The following RAD23B variants were observed in gnomAD, a reference collection of about 807,000 sequenced individuals.
The protein encoded by RAD23B is lysine-specific demethylase RAD23B.
A neutral mutation model predicts 49.1 loss-of-function variants in RAD23B; 5 were observed. The ratio of observed to expected loss-of-function variants is 0.10; its 90% CI spans 0.05 to 0.21. The LOEUF (loss-of-function observed/expected upper bound fraction) is 0.21. RAD23B is among the 10% of genes least tolerant of loss of function. The pLI is 1.00. For missense variants in RAD23B, 356 were observed against 486.7 expected (o/e 0.73, Z 2.53); for synonymous variants, 184 against 165.4 (o/e 1.11, Z -0.86).
At position 107,327,823 on chromosome 9, in the gene RAD23B, C is replaced by T. The variant is rs552491388; in HGVS notation, c.1117-1720C>T. ...TTATTGAAGGTGGAGCTGTAGTTGTCTCTATTATTGTTAATTGCCAATTTC... is the reference window on the plus strand; with the variant it reads ...TTATTGAAGGTGGAGCTGTAGTTGTTTCTATTATTGTTAATTGCCAATTTC... On this transcript the variant is annotated intron_variant, in intron 9 of 9. Coordinates refer to ENST00000358015, the MANE Select transcript of RAD23B (RefSeq NM_002874.5). 1.1e-3 allele frequency among the ~76,000 whole-genome samples: 160 copies of T among 152,114 alleles called. 1 individual carries two copies. Among genetic ancestry groups the T allele is most frequent in the African/African-American group, 3.6e-3 (151 of 41,504 alleles).
chr9:107,323,991 G>C lies in RAD23B; in HGVS notation c.919G>C (p.Gly307Arg). 6.2e-7 allele frequency: 1 copy of C among 1,613,448 alleles called. No homozygotes were observed. Among genetic ancestry groups the C allele is most frequent in the East Asian group, 2.2e-5 (1 of 44,844 alleles). The change falls in exon 8 of 10, where the codon GGT becomes CGT. Residue 307 changes from glycine to arginine, a missense_variant. This residue lies in a region of RAD23B where 148 missense variants were observed against 231.7 expected (regional missense o/e 0.64). Transcript: ENST00000358015. ...GCTTCCAGCGTTACTACAGCAGATA[G>C]GTCGAGAGAATCCTCAATTACTTCA... is the stretch of plus-strand genomic sequence containing the variant. ...SLLPALLQQI[G>R]RENPQLLQQI...
At chr9:107,317,867 T>C (rs1488664082) in intron 5 of RAD23B, among the ~76,000 whole-genome samples, 8 of 152,160 alleles carry the variant, frequency 5.3e-5, no homozygotes, top group South Asian at 2.1e-4. Context: ...TTTTACCAAC[T>C]TTGTATAGTG....
rs34042765 is a variant in RAD23B, at chr9:107,325,313, CAAAAAAAAAA to C, written c.1116+328_1116+337del. Among the ~76,000 whole-genome samples the C allele has an allele frequency of 6.7e-4, 41 of 61,386 alleles. No individual in the cohort carries two copies. The East Asian group carries it at 0.016, about 25-fold the overall frequency. 40.3% of individuals were successfully genotyped at this position (61,386 alleles called of 152,430 possible). On this transcript the variant is annotated intron_variant, in intron 9 of 9. Transcript: ENST00000358015. Reference sequence around the variant, plus strand: ...TGGGCAACAGAGTGAGACTCTGTCTCAAAAAAAAAAAAAAAAAAAAAAAAAAAATTCCTTA... The same window carrying C: ...TGGGCAACAGAGTGAGACTCTGTCTCAAAAAAAAAAAAAAAAAATTCCTTA...
chr9:107,303,499 C>G (rs939531096), intron 3 of RAD23B, among the ~76,000 whole-genome samples: 5 of 152,110 alleles, frequency 3.3e-5, no homozygotes, highest in Admixed American at 2.0e-4. Context: ...AACCTTGTAT[C>G]ATCTAGGTTT....
chr9:107,327,759 A>G (rs935820796), intron 9 of RAD23B, among the ~76,000 whole-genome samples: 8 of 152,236 alleles, frequency 5.3e-5, no homozygotes, highest in African/African-American at 1.9e-4. Context: ...TGATAGATCT[A>G]GTTTGTAGTC....
In RAD23B at chr9:107,300,316, CAG is replaced by C. The variant is rs1481322718; in HGVS notation, c.148+96_148+97del. 7.6e-6 allele frequency: 10 copies of C among 1,319,406 alleles called. No individual in the cohort carries two copies. In the East Asian group the frequency reaches 2.8e-4, roughly 37 times the overall value. 81.7% of individuals were successfully genotyped at this position (1,319,406 alleles called of 1,614,324 possible). Reference sequence around the variant, plus strand: ...ATATATTGTAGTATATTCAAATTGTCAGAAAAATGATTGTACAAATAAAAGCA... The same window carrying C: ...ATATATTGTAGTATATTCAAATTGTCAAAAATGATTGTACAAATAAAAGCA... On this transcript the variant is annotated intron_variant, in intron 2 of 9. Transcript: ENST00000358015.
At position 107,292,665 on chromosome 9, in the gene RAD23B, C is replaced by G; in HGVS notation, c.67-7476C>G. ...ACTACACTCCAGCCTGGTGACAGAG[C>G]GAGACTCTGTCAAAAAAAAAAAAAA... On this transcript the variant is annotated intron_variant, in intron 1 of 9. Coordinates refer to ENST00000358015, the MANE Select transcript of RAD23B (RefSeq NM_002874.5). Among the ~76,000 whole-genome samples the G allele has an allele frequency of 2.0e-5, 2 of 101,628 alleles. 1 individual carries two copies. Among genetic ancestry groups the G allele is most frequent in the Non-Finnish European group, 3.6e-5 (2 of 55,492 alleles). 66.7% of individuals were successfully genotyped at this position (101,628 alleles called of 152,430 possible).
rs1265327174 is a variant in RAD23B, at chr9:107,306,061, ATATATATATATCTATATATC to A, written c.229-308_229-289del. ...TGATACGGTTTATATCTATATATAT[ATATATATATATCTATATATC>A]TATATATATTTCAAATTTTTTATTT... is the stretch of plus-strand genomic sequence containing the variant. On this transcript the variant is annotated intron_variant, in intron 3 of 9. Transcript: ENST00000358015. Among the ~76,000 whole-genome samples, 61 of 133,890 alleles carry A rather than the reference ATATATATATATCTATATATC, an allele frequency of 4.6e-4. 2 individuals are homozygous for A. Among genetic ancestry groups the A allele is most frequent in the South Asian group, 1.5e-3 (6 of 3,996 alleles). The allele number at this position is 133,890 out of a possible 152,430, so 87.8% of individuals were successfully genotyped here. A position where few individuals can be genotyped will look rare whatever the true frequency, so the allele number is the denominator to read the frequency against.
chr9:107,303,238 C>T (rs999152431), intron 3 of RAD23B, among the ~76,000 whole-genome samples: 9 of 151,972 alleles, frequency 5.9e-5, no homozygotes, highest in African/African-American at 2.2e-4. Flanking sequence ...TAATTGAAAC[C>T]ACTTCATCAA....
chr9:107,323,842 G>T, intron 7 of RAD23B, 48 bp from the exon 8 acceptor site: 1 of 1,512,008 alleles, frequency 6.6e-7, no homozygotes, highest in Non-Finnish European at 9.2e-7. Context: ...ACCACTGTTT[G>T]TGTATGTATT....
intron 3 of RAD23B, among the ~76,000 whole-genome samples, chr9:107,305,377 T>A (rs1461548733): frequency 6.6e-6 from 1 of 152,140 alleles, no homozygotes; most frequent in Non-Finnish European, 1.5e-5. Flanking sequence ...ATCATAAAGG[T>A]CTTCATCCTT....
intron 1 of RAD23B, among the ~76,000 whole-genome samples, chr9:107,289,689 G>T (rs917213202): frequency 6.6e-6 from 1 of 152,168 alleles, no homozygotes; most frequent in Admixed American, 6.5e-5. Flanking sequence ...ACCACTTGCT[G>T]TGTCACCTCA....
intron 1 of RAD23B, among the ~76,000 whole-genome samples, chr9:107,285,878 C>G (rs1341394604): frequency 6.6e-6 from 1 of 152,078 alleles, no homozygotes; most frequent in African/African-American, 2.4e-5. Flanking sequence ...TTCATGACAA[C>G]TGTTTCAATT....
chr9:107,311,649 T>A, intron 4 of RAD23B, 33 bp from the exon 5 acceptor site: 1 of 1,505,050 alleles, frequency 6.6e-7, no homozygotes, highest in Non-Finnish European at 9.0e-7. Flanking sequence ...TATATACTTT[T>A]TAAAATGTGA....
In RAD23B at chr9:107,322,565, CAA is replaced by C. The variant is rs749208584; in HGVS notation, c.817+449_817+450del. On this transcript the variant is annotated intron_variant, in intron 7 of 9. Coordinates refer to ENST00000358015, the MANE Select transcript of RAD23B (RefSeq NM_002874.5). ...AAAACCTTGTATCTAGAGGAGAAAG[CAA>C]AGCTTGAATTGAAGTCTCTTTACTG... Among the ~76,000 whole-genome samples the C allele has an allele frequency of 7.2e-5, 11 of 152,308 alleles. No homozygotes were observed. The East Asian group carries it at 1.2e-3, about 16-fold the overall frequency.
rs556474860 is a variant in RAD23B at position 107,308,792 on chromosome 9, T to C, written c.497+2145T>C. Among the ~76,000 whole-genome samples, 3 of 152,332 alleles carry C rather than the reference T, an allele frequency of 2.0e-5. No homozygotes were observed. In the South Asian group the frequency reaches 6.2e-4, roughly 32 times the overall value. On this transcript the variant is annotated intron_variant, in intron 4 of 9. Coordinates refer to ENST00000358015, the MANE Select transcript of RAD23B (RefSeq NM_002874.5). ...TCAGAAAACAAGCTGCTTAAATGTG[T>C]CTTAGTTCCTTTGTCTTTGCTGGAA...
intron 3 of RAD23B, among the ~76,000 whole-genome samples, chr9:107,304,762 C>A (rs1010761584): frequency 1.3e-5 from 2 of 152,076 alleles, no homozygotes; most frequent in Non-Finnish European, 2.9e-5. Flanking sequence ...GACTAAAAAT[C>A]ATGTATGATT....
At chr9:107,300,077 C>T in intron 1 of RAD23B, 64 bp from the exon 2 acceptor site, 2 of 1,543,682 alleles carry the variant, frequency 1.3e-6, no homozygotes, top group East Asian at 4.7e-5. Flanking sequence ...ATTATTTATT[C>T]AGATTCTGGA....
rs796381629 is a variant in RAD23B at position 107,326,627 on chromosome 9, C to CTTTTTTTTTTT, written c.1116+1637_1116+1647dup. Among the ~76,000 whole-genome samples, 93 of 67,574 alleles carry CTTTTTTTTTTT rather than the reference C, an allele frequency of 1.4e-3. 3 individuals are homozygous for CTTTTTTTTTTT. The highest frequency in any genetic ancestry group is 0.022 in the Middle Eastern group (1 of 46). 44.3% of individuals were successfully genotyped at this position (67,574 alleles called of 152,430 possible). ...ACTTGTCTATTCAACTTTTGTATTT[C>CTTTTTTTTTTT]TTTTTTTTTTTTTTTTTTTTTTTTG... On this transcript the variant is annotated intron_variant, in intron 9 of 9. Transcript: ENST00000358015.
Sources: gnomAD v4.1 joint callset for allele counts (sites outside exome capture counted in the v4.1 genomes callset) on GRCh38, gnomAD v4.1.1 for gene constraint, gnomAD v4.1.1 regional missense constraint, MANE v1.5 for transcripts, NCBI Gene and HGNC (gene_info 2026-07-23, HGNC 2026-07-21) for gene names.